CIZ1: variants seen among roughly 807,000 people sequenced by gnomAD.
CIZ1 encodes cip1-interacting zinc finger protein.
In CIZ1, 58 loss-of-function variants were observed where a neutral mutation model predicts 118.6. The observed-to-expected ratio is 0.49, with a 90% CI of 0.40 to 0.61. The LOEUF (loss-of-function observed/expected upper bound fraction) is 0.61, where lower values mean the gene tolerates loss of function less well. Ranked by LOEUF, CIZ1 falls within the 20% of genes least tolerant of loss-of-function variation. The pLI is 0.00. For synonymous variants in CIZ1, 448 were observed against 443.4 expected (o/e 1.01, Z -0.13); for missense variants, 921 against 1,115.9 (o/e 0.83, Z 2.49).
At chr9:128,190,538 G>T in intron 2 of CIZ1, 94 bp from the exon 3 acceptor site, 1 of 1,357,466 alleles carries the variant, frequency 7.4e-7, no homozygotes, top group Non-Finnish European at 1.0e-6. Context: ...GCCCCACTCT[G>T]TGGTAGACAG....
chr9:128,172,793 T>C (rs959095511), intron 11 of CIZ1, among the ~76,000 whole-genome samples: 7 of 152,222 alleles, frequency 4.6e-5, no homozygotes, highest in Admixed American at 1.3e-4. Context: ...TCTTCTCATG[T>C]GTCTGTGTCC....
At chr9:128,200,576 T>G (rs1278262649) in intron 1 of CIZ1, among the ~76,000 whole-genome samples, 1 of 149,106 alleles carries the variant, frequency 6.7e-6, no homozygotes, top group Non-Finnish European at 1.5e-5. Context: ...GAGAATTCCT[T>G]GAACCAGGGA....
chr9:128,193,213 G>A (rs753709066), upstream of CIZ1, among the ~76,000 whole-genome samples: 1 of 152,182 alleles, frequency 6.6e-6, no homozygotes, highest in African/African-American at 2.4e-5. Flanking sequence ...CCCCGGGGAC[G>A]TCGGCGCCTA....
Position 128,203,444 on chromosome 9 carries a change from T to G in CIZ1, c.-6+742A>C, listed in dbSNP as rs373766853. ...GCCGGGAGCGCTAGCGGCAGCCGGA[T>G]CGCAGCCTGCGGGGCCCGCCGCAGC... On this transcript the variant is annotated intron_variant, in intron 1 of 17. Coordinates refer to the CIZ1 transcript ENST00000372948. This position sits in a 1 kb window ranked among gnomAD's most constrained non-coding sequence, Gnocchi z 5.3. 589 of 1,445,044 alleles carry G rather than the reference T, an allele frequency of 4.1e-4. No homozygotes were observed. The highest frequency in any genetic ancestry group is 4.9e-4 in the Non-Finnish European group (542 of 1,095,900). The allele number at this position is 1,445,044 out of a possible 1,614,324, so 89.5% of individuals were successfully genotyped here. A position where few individuals can be genotyped will look rare whatever the true frequency, so the allele number is the denominator to read the frequency against.
chr9:128,190,450 T>G lies in CIZ1; in HGVS notation c.171-6A>C. The G allele has an allele frequency of 2.5e-6, 4 of 1,601,236 alleles. No individual in the cohort carries two copies. Among genetic ancestry groups the G allele is most frequent in the Non-Finnish European group, 3.4e-6 (4 of 1,170,270 alleles). ...GCTGCTGCGGGGGGAGCCCCCTGTG[T>G]GTTGGGAGGGGGTGTCAGAGGGTTA... is the stretch of plus-strand genomic sequence containing the variant. On this transcript the variant is annotated splice_polypyrimidine_tract_variant and splice_region_variant and intron_variant, in intron 2 of 16. Coordinates refer to ENST00000372938, the MANE Select transcript of CIZ1 (RefSeq NM_001131016.2).
At chr9:128,193,047 C>A (rs1833268762), upstream of CIZ1, among the ~76,000 whole-genome samples, 1 of 152,228 alleles carries the variant, frequency 6.6e-6, no homozygotes, top group African/African-American at 2.4e-5. Context: ...TCACTGCAGT[C>A]ATGTGACGAG....
chr9:128,197,357 A>T (rs1037312733), intron 1 of CIZ1: 9 of 152,482 alleles, frequency 5.9e-5, no homozygotes, highest in African/African-American at 2.2e-4. Flanking sequence ...AGCATAGGCC[A>T]TAAGGTGGGC....
chr9:128,188,117 C>CAAAAA (rs34796767), intron 3 of CIZ1, among the ~76,000 whole-genome samples, 183 bp from the exon 4 acceptor site: 2 of 104,792 alleles, frequency 1.9e-5, no homozygotes, highest in Non-Finnish European at 3.9e-5. Flanking sequence ...AAGAAAAAAG[C>CAAAAA]AAAAAAAAAA....
intron 14 of CIZ1, among the ~76,000 whole-genome samples, chr9:128,168,494 C>T (rs775612830): frequency 3.5e-5 from 5 of 143,358 alleles, no homozygotes; most frequent in Non-Finnish European, 6.0e-5. Flanking sequence ...CTAGCCTGGG[C>T]GACAGAGCGA....
In CIZ1 at chr9:128,185,707, G is replaced by C; in HGVS notation, c.428C>G (p.Ala143Gly). 6.2e-7 allele frequency: 1 copy of C among 1,611,556 alleles called. No individual in the cohort carries two copies. Among genetic ancestry groups the C allele is most frequent in the Non-Finnish European group, 8.5e-7 (1 of 1,178,708 alleles). The change falls in exon 5 of 17, where the codon GCC (alanine) becomes GGC (glycine). Residue 143 changes from alanine to glycine, a missense_variant. By Grantham distance (60) the Ala-to-Gly change is moderately conservative. Coordinates refer to ENST00000372938, the MANE Select transcript of CIZ1 (RefSeq NM_001131016.2). ...AAAGAACTGTTGCAAATTTGGAGTG[G>C]CCAGTTGTGGGGGTGTGAGGCTGGG... ...AAPSLTPPQLATPNLQQFFPQ... is the reference protein window; with the variant it reads ...AAPSLTPPQLGTPNLQQFFPQ...
At chr9:128,179,478 A>G (rs1179803659) in intron 7 of CIZ1, 63 bp from the exon 8 acceptor site, 4 of 1,477,424 alleles carry the variant, frequency 2.7e-6, no homozygotes, top group Non-Finnish European at 3.6e-6. Flanking sequence ...GCTCCCAAGT[A>G]AGGCCAAAAC....
chr9:128,177,740 C>G lies in CIZ1; in HGVS notation c.1644G>C (p.Leu548=). The G allele has an allele frequency of 6.2e-7, 1 of 1,603,876 alleles. No homozygotes were observed. The highest frequency in any genetic ancestry group is 1.3e-5 in the African/African-American group (1 of 74,790). ...MPGVWGAGGS[L]KVTILQSSDS... ...CACTGCTCTGCAGAATGGTGACCTT[C>G]AGGGAGCCCCCGGCGCCCCATACCT... Residue 548 remains leucine (L), a synonymous_variant, in exon 10 of 17, where the codon CTG becomes CTC. Coordinates refer to ENST00000372938, the MANE Select transcript of CIZ1 (RefSeq NM_001131016.2).
rs770795328 is a variant in CIZ1, at chr9:128,166,812, A to G, written c.2434T>C (p.Ser812Pro). 2 of 1,614,010 alleles carry G rather than the reference A, an allele frequency of 1.2e-6. No homozygotes were observed. The highest frequency in any genetic ancestry group is 2.7e-5 in the African/African-American group (2 of 74,900). The change falls in exon 16 of 17, where the codon TCA (serine) becomes CCA (proline). Residue 812 changes from serine to proline, a missense_variant. Transcript: ENST00000372938. The surrounding 1 kb of genome is among the most constrained non-coding windows in gnomAD (Gnocchi z 4.4). ...TTGCAGTGGGAGAGCTGTGCCCCTG[A>G]GTTGCTGTGATAGAACTTGTGGCAG... is the stretch of plus-strand genomic sequence containing the variant. Reference protein sequence around the residue: ...RICHKFYHSNSGAQLSHCKSL... With the variant: ...RICHKFYHSNPGAQLSHCKSL...
intron 7 of CIZ1, 116 bp from the exon 8 acceptor site, chr9:128,179,531 G>T: frequency 1.2e-6 from 1 of 853,416 alleles, no homozygotes; most frequent in Non-Finnish European, 1.8e-6. Context: ...CCAGCACTTT[G>T]GGAGGCTGAG....
At position 128,189,944 on chromosome 9, in the gene CIZ1, A is replaced by G. The variant is rs183325148; in HGVS notation, c.286+385T>C. Reference sequence around the variant, plus strand: ...CCACAGACTTAATGCACAGGGCTAGAGACAACCACTCAGACATCTGGATGG... The same window carrying G: ...CCACAGACTTAATGCACAGGGCTAGGGACAACCACTCAGACATCTGGATGG... On this transcript the variant is annotated intron_variant, in intron 3 of 16. Transcript: ENST00000372938. Among the ~76,000 whole-genome samples the G allele has an allele frequency of 1.7e-4, 26 of 151,860 alleles. No individual in the cohort carries two copies. The South Asian group carries it at 4.4e-3, about 26-fold the overall frequency.
At chr9:128,185,857 G>T in intron 4 of CIZ1, 81 bp from the exon 5 acceptor site, 1 of 934,562 alleles carries the variant, frequency 1.1e-6, no homozygotes, top group Non-Finnish European at 1.7e-6. Context: ...GTGCCCCAGA[G>T]CATCATGGGA....
intron 7 of CIZ1, 21 bp from the exon 8 acceptor site, chr9:128,179,436 A>G: frequency 1.3e-6 from 2 of 1,544,862 alleles, no homozygotes; most frequent in Non-Finnish European, 8.7e-7. Flanking sequence ...TCAAAAAAAA[A>G]TCCCAGTCAT....
chr9:128,184,170 TC>T (rs1832050619), intron 5 of CIZ1, among the ~76,000 whole-genome samples: 1 of 152,168 alleles, frequency 6.6e-6, no homozygotes, highest in African/African-American at 2.4e-5. Flanking sequence ...GAAAGGAAGC[TC>T]ACTCATTCAA....
At position 128,166,085 on chromosome 9, in the gene CIZ1, T is replaced by G; in HGVS notation, c.*112A>C. 2.5e-6 allele frequency: 2 copies of G among 785,584 alleles called. No individual in the cohort carries two copies. The highest frequency in any genetic ancestry group is 3.8e-6 in the Non-Finnish European group (2 of 530,052). 48.7% of individuals were successfully genotyped at this position (785,584 alleles called of 1,614,324 possible). ...GGAACTGCACAGCCAAACTACCTTG[T>G]TTTATTGGATTTTGAGTAAAAACAT... On this transcript the variant is annotated 3_prime_UTR_variant, in exon 17 of 17. Transcript: ENST00000372938. This position sits in a 1 kb window ranked among gnomAD's most constrained non-coding sequence, Gnocchi z 4.4.
Sources: allele counts gnomAD v4.1 joint callset (sites outside exome capture counted in the v4.1 genomes callset), GRCh38; gene constraint gnomAD v4.1.1; non-coding constraint Gnocchi (gnomAD v3.1); transcripts MANE v1.5; gene names NCBI Gene and HGNC (gene_info 2026-07-23, HGNC 2026-07-21).